The following FBXL13 variants were observed in gnomAD, a reference collection of about 807,000 sequenced individuals.
FBXL13 encodes the protein F-box and leucine rich repeat protein 13.
In FBXL13, 67 loss-of-function variants were observed where a neutral mutation model predicts 83.6. That is an observed-to-expected ratio of 0.80 (90% CI 0.66 to 0.98). FBXL13 has a LOEUF of 0.98. Ranked by LOEUF, FBXL13 falls within the 50% of genes least tolerant of loss-of-function variation. The pLI is 0.00. For synonymous variants in FBXL13, 272 were observed against 299.5 expected (o/e 0.91, Z 0.95); for missense variants, 822 against 866.5 (o/e 0.95, Z 0.64).
intron 16 of FBXL13, among the ~76,000 whole-genome samples, chr7:102,860,119 C>T (rs1806589753): frequency 1.3e-5 from 2 of 152,174 alleles, no homozygotes; most frequent in African/African-American, 2.4e-5. Flanking sequence ...GAACCTCGTA[C>T]ATTATTCTAA....
intron 18 of FBXL13, 70 bp from the exon 20 acceptor site, chr7:102,822,273 C>T: frequency 5.0e-6 from 7 of 1,403,934 alleles, no homozygotes; most frequent in Non-Finnish European, 7.0e-6. Flanking sequence ...GCCTTAGTCA[C>T]TTTGGGCAAC....
chr7:103,059,516 A>G (rs1797653612), intron 1 of FBXL13, among the ~76,000 whole-genome samples: 1 of 152,160 alleles, frequency 6.6e-6, no homozygotes, highest in South Asian at 2.1e-4. Flanking sequence ...TTAACGTTTG[A>G]CTCTCAAAAA....
intron 10 of FBXL13, among the ~76,000 whole-genome samples, chr7:102,918,669 T>C (rs1436856949): frequency 1.3e-5 from 2 of 152,006 alleles, no homozygotes; most frequent in Non-Finnish European, 2.9e-5. Flanking sequence ...TTTTTCAAAT[T>C]TAGCTGGATG....
intron 11 of FBXL13, among the ~76,000 whole-genome samples, chr7:102,905,297 T>C (rs1813589808): frequency 6.6e-6 from 1 of 152,218 alleles, no homozygotes; most frequent in Non-Finnish European, 1.5e-5. Flanking sequence ...GCTCCAGTGT[T>C]GGGTGCATAT....
At chr7:102,934,644 AT>A in intron 8 of FBXL13, 1 of 1,605,740 alleles carries the variant, frequency 6.2e-7, no homozygotes, top group Non-Finnish European at 8.5e-7. Context: ...TTTTGCCACA[AT>A]TATGTGTTTC....
At chr7:103,024,586 A>C (rs1003357491) in intron 6 of FBXL13, among the ~76,000 whole-genome samples, 2 of 150,746 alleles carry the variant, frequency 1.3e-5, no homozygotes, top group African/African-American at 4.9e-5. Flanking sequence ...AGCAAAACTG[A>C]AAGCAAACAT....
At chr7:102,838,979 T>C (rs1298662174) in intron 17 of FBXL13, among the ~76,000 whole-genome samples, 1 of 152,144 alleles carries the variant, frequency 6.6e-6, no homozygotes, top group Non-Finnish European at 1.5e-5. Context: ...CCTCTTGCAG[T>C]TGAGATAAGA....
At chr7:102,940,665 C>T (rs1326864028) in intron 8 of FBXL13, among the ~76,000 whole-genome samples, 1 of 152,208 alleles carries the variant, frequency 6.6e-6, no homozygotes, top group Admixed American at 6.5e-5. Flanking sequence ...CATATTATAT[C>T]TAGTTCTAGA....
intron 14 of FBXL13, among the ~76,000 whole-genome samples, chr7:102,883,078 A>G (rs953619756): frequency 1.3e-5 from 2 of 151,778 alleles, no homozygotes; most frequent in African/African-American, 4.8e-5. Context: ...TAATTTTACA[A>G]GGGTCCATAA....
intron 16 of FBXL13, among the ~76,000 whole-genome samples, chr7:102,874,924 A>G (rs1251911957): frequency 6.6e-6 from 1 of 152,232 alleles, no homozygotes; most frequent in Non-Finnish European, 1.5e-5. Context: ...TACAGTCTTT[A>G]AAAATAAAAC....
rs116207670 is a variant in FBXL13, at chr7:103,055,679, C to A, written c.-36G>T. The A allele has an allele frequency of 2.2e-3, 2,801 of 1,284,966 alleles. 60 individuals are homozygous for A. In the African/African-American group the frequency reaches 0.039, roughly 18 times the overall value. 79.6% of individuals were successfully genotyped at this position (1,284,966 alleles called of 1,614,324 possible). Reference sequence around the variant, plus strand: ...TCTGAAGACCACTTTTGATTATAACCATGATCATTCCCTCTAAATACCTCA... The same window carrying A: ...TCTGAAGACCACTTTTGATTATAACAATGATCATTCCCTCTAAATACCTCA... On this transcript the variant is annotated 5_prime_UTR_variant, in exon 2 of 20. Coordinates refer to ENST00000313221, the Ensembl canonical transcript of FBXL13.
intron 15 of FBXL13, among the ~76,000 whole-genome samples, chr7:102,877,890 C>T (rs1250954644): frequency 1.3e-5 from 2 of 152,058 alleles, no homozygotes; most frequent in African/African-American, 4.8e-5. Flanking sequence ...TGAATGACCA[C>T]TAAAAGTGCA....
At chr7:102,996,203 C>T (rs567504516) in intron 6 of FBXL13, among the ~76,000 whole-genome samples, 49 of 152,294 alleles carry the variant, frequency 3.2e-4, no homozygotes, top group Non-Finnish European at 6.9e-4. Flanking sequence ...CATAGTTTGT[C>T]ATAATGGTTG....
intron 17 of FBXL13, among the ~76,000 whole-genome samples, chr7:102,839,985 C>T (rs963394380): frequency 2.0e-5 from 3 of 152,170 alleles, no homozygotes; most frequent in Admixed American, 6.5e-5. Flanking sequence ...CCCAACAGCA[C>T]ACCTTTGGTT....
At chr7:103,052,061 A>C (rs941816754) in intron 2 of FBXL13, among the ~76,000 whole-genome samples, 1 of 152,264 alleles carries the variant, frequency 6.6e-6, no homozygotes, top group Non-Finnish European at 1.5e-5. Context: ...CTCACTGTGC[A>C]GAACTGTGTA....
At chr7:102,824,746 A>G (rs1453308212) in intron 18 of FBXL13, among the ~76,000 whole-genome samples, 1 of 150,428 alleles carries the variant, frequency 6.6e-6, no homozygotes, top group African/African-American at 2.4e-5. Context: ...TTGGCCTCCT[A>G]AAGTGCTGGG....
chr7:102,989,689 G>C (rs540770577), intron 6 of FBXL13, among the ~76,000 whole-genome samples: 86 of 152,304 alleles, frequency 5.6e-4, no homozygotes, highest in South Asian at 2.1e-3. Context: ...GAATGAAGTA[G>C]TATCCTTTGT....
At chr7:103,031,291 TCA>T (rs1218977956) in intron 2 of FBXL13, 4 of 152,274 alleles carry the variant, frequency 2.6e-5, no homozygotes, top group African/African-American at 9.6e-5. Context: ...TTCCCACCCT[TCA>T]CAGTCGCTGC....
At chr7:103,056,395 T>C (rs1475232511) in intron 1 of FBXL13, among the ~76,000 whole-genome samples, 2 of 152,202 alleles carry the variant, frequency 1.3e-5, no homozygotes, top group Non-Finnish European at 2.9e-5. Flanking sequence ...GTGGGATTGT[T>C]ATCCCACTAC....
Sources: allele counts gnomAD v4.1 joint callset (sites outside exome capture counted in the v4.1 genomes callset), GRCh38; gene constraint gnomAD v4.1.1; transcripts MANE v1.5; gene names NCBI Gene and HGNC (gene_info 2026-07-23, HGNC 2026-07-21).